ANKRD28: variants seen among roughly 807,000 people sequenced by gnomAD.
ANKRD28 encodes the protein ankyrin repeat domain 28.
Under a neutral mutation model 126.5 loss-of-function variants are expected in ANKRD28, and 44 were observed. That is an observed-to-expected ratio of 0.35 (90% CI 0.27 to 0.45). The LOEUF (loss-of-function observed/expected upper bound fraction) is 0.45, where lower values mean the gene tolerates loss of function less well. Ranked by LOEUF, ANKRD28 falls within the 20% of genes least tolerant of loss-of-function variation. ANKRD28 has a pLI of 1.00. For synonymous variants in ANKRD28, 442 were observed against 468.5 expected, an observed-to-expected ratio of 0.94 and a Z score of 0.73; for missense variants, 1,110 against 1,316.6, an observed-to-expected ratio of 0.84 and a Z score of 2.43.
At chr3:15,813,710 C>T (rs1403479742) in intron 1 of ANKRD28, among the ~76,000 whole-genome samples, 1 of 152,144 alleles carries the variant, frequency 6.6e-6, no homozygotes, top group Non-Finnish European at 1.5e-5. Context: ...TCCAACACAC[C>T]TGGAGGTTGT....
At position 15,854,362 on chromosome 3, in the gene ANKRD28, A is replaced by G. The variant is rs1332263865; in HGVS notation, c.27+5015T>C. Among the ~76,000 whole-genome samples the G allele has an allele frequency of 6.6e-6, 1 of 152,158 alleles. No homozygotes were observed. The highest frequency in any genetic ancestry group is 1.5e-5 in the Non-Finnish European group (1 of 68,028). On this transcript the variant is annotated intron_variant, in intron 1 of 27. Coordinates refer to the ANKRD28 transcript ENST00000399451. This position sits in a 1 kb window ranked among gnomAD's most constrained non-coding sequence, Gnocchi z 4.1. The stretch of plus-strand genomic sequence containing the variant: ...TTCACAGTTCCCTCTTGTTGCTTTC[A>G]TTGACAACTGCTTGCTTTCAACATC...
At chr3:15,803,074 T>C (rs2060496885) in intron 1 of ANKRD28, among the ~76,000 whole-genome samples, 1 of 152,184 alleles carries the variant, frequency 6.6e-6, no homozygotes, top group South Asian at 2.1e-4. Flanking sequence ...GGTATGGTCA[T>C]GTGATAGAGA....
intron 11 of ANKRD28, 74 bp from the exon 12 acceptor site, chr3:15,711,348 A>G: frequency 7.8e-7 from 1 of 1,289,552 alleles, no homozygotes; most frequent in Admixed American, 1.8e-5. Context: ...TGAAACATCA[A>G]GAATCACATC....
In ANKRD28 at chr3:15,806,738, T is replaced by C. The variant is rs181129714; in HGVS notation, c.28-11432A>G. ...CGTTTTACCATTTTGGCCAGGCTGC[T>C]CTTGAACTCCTGACCTCAGGTGATT... On this transcript the variant is annotated intron_variant, in intron 1 of 27. Transcript: ENST00000399451. Among the ~76,000 whole-genome samples the C allele has an allele frequency of 1.1e-4, 16 of 152,280 alleles. 1 individual carries two copies. The highest frequency in any genetic ancestry group is 9.8e-4 in the Admixed American group (15 of 15,302).
chr3:15,859,279 C>A, intron 1 of ANKRD28: 1 of 1,478,206 alleles, frequency 6.8e-7, no homozygotes, highest in Non-Finnish European at 9.0e-7. Flanking sequence ...CTCGCAACCA[C>A]CCCGCCGAGC....
At chr3:15,703,915 A>T (rs116645353) in intron 14 of ANKRD28, among the ~76,000 whole-genome samples, 1 of 152,162 alleles carries the variant, frequency 6.6e-6, no homozygotes, top group East Asian at 1.9e-4. Flanking sequence ...ACATAAAATA[A>T]TCTACATACA....
At position 15,818,838 on chromosome 3, in the gene ANKRD28, G is replaced by T. The variant is rs1670570847; in HGVS notation, c.28-23532C>A. 3.3e-5 allele frequency among the ~76,000 whole-genome samples: 5 copies of T among 152,212 alleles called. No individual in the cohort carries two copies. In the South Asian group the frequency reaches 8.3e-4, roughly 25 times the overall value. On this transcript the variant is annotated intron_variant, in intron 1 of 27. Coordinates refer to the ANKRD28 transcript ENST00000399451. ...CAATTTTTCCTCATTTAATTTATAG[G>T]TGAAAAGTAATCACAGTCAAAATCT...
chr3:15,678,908 TGGGTTTTCTG>T, intron 23 of ANKRD28, among the ~76,000 whole-genome samples: 1 of 152,222 alleles, frequency 6.6e-6, no homozygotes, highest in East Asian at 1.9e-4. Context: ...CTTTTAATAA[TGGGTTTTCTG>T]TAAATTCTCT....
At chr3:15,683,258 A>T (rs1020535878) in intron 21 of ANKRD28, among the ~76,000 whole-genome samples, 2 of 152,226 alleles carry the variant, frequency 1.3e-5, no homozygotes, top group African/African-American at 4.8e-5. Flanking sequence ...ACTTTTTTAC[A>T]GAAACACAAC....
At chr3:15,745,468 G>T (rs1231418525) in intron 4 of ANKRD28, among the ~76,000 whole-genome samples, 2 of 152,090 alleles carry the variant, frequency 1.3e-5, no homozygotes, top group Non-Finnish European at 2.9e-5. Flanking sequence ...TGTTGAACAG[G>T]GTGTCCTTTC....
Position 15,814,308 on chromosome 3 carries a change from G to A in ANKRD28, c.28-19002C>T. On this transcript the variant is annotated intron_variant, in intron 1 of 27. Transcript: ENST00000399451. This position sits in a 1 kb window ranked among gnomAD's most constrained non-coding sequence, Gnocchi z 4.7. ...TGTACTGTTTCAATTCCAATCACAG[G>A]CCTGTAGCAGAAAACAGATATCAAA... 1 of 1,273,884 alleles carries A rather than the reference G, an allele frequency of 7.9e-7. No individual in the cohort carries two copies. Among genetic ancestry groups the A allele is most frequent in the Non-Finnish European group, 1.0e-6 (1 of 982,660 alleles). The allele number at this position is 1,273,884 out of a possible 1,614,324, so 78.9% of individuals were successfully genotyped here.
chr3:15,780,147 A>G (rs2059477077), intron 2 of ANKRD28, among the ~76,000 whole-genome samples: 1 of 152,210 alleles, frequency 6.6e-6, no homozygotes, highest in Non-Finnish European at 1.5e-5. Flanking sequence ...ATTTGCAGAC[A>G]TGATCTTACA....
Position 15,701,401 on chromosome 3 carries a change from T to C in ANKRD28, c.1548-5156A>G, listed in dbSNP as rs150246800. Among the ~76,000 whole-genome samples the C allele has an allele frequency of 3.3e-5, 5 of 152,250 alleles. No individual in the cohort carries two copies. The East Asian group carries it at 5.8e-4, about 18-fold the overall frequency. On this transcript the variant is annotated intron_variant, in intron 14 of 27. Coordinates refer to ENST00000683139, the MANE Select transcript of ANKRD28 (RefSeq NM_001349278.2). Reference sequence around the variant, plus strand: ...GGCTCATGCCTGTAATCCCAGCACTTTGGGAAGCGGAGGTGGGCGGAACAC... The same window carrying C: ...GGCTCATGCCTGTAATCCCAGCACTCTGGGAAGCGGAGGTGGGCGGAACAC...
intron 1 of ANKRD28, among the ~76,000 whole-genome samples, chr3:15,807,165 G>A (rs770661064): frequency 5.3e-5 from 8 of 152,134 alleles, no homozygotes; most frequent in Non-Finnish European, 1.0e-4. Flanking sequence ...ATATTGTCAT[G>A]CAGTAGAAGT....
Position 15,667,412 on chromosome 3 carries a change from C to A in ANKRD28, c.*2858G>T, listed in dbSNP as rs2066035788. On this transcript the variant is annotated 3_prime_UTR_variant, in exon 28 of 28. Transcript: ENST00000683139. ...CATTTCACCCAAAGTAGTTCTAGAGCAGAAGCTGGTATTATAATACACATC... is the reference window on the plus strand; with the variant it reads ...CATTTCACCCAAAGTAGTTCTAGAGAAGAAGCTGGTATTATAATACACATC... 6.6e-6 allele frequency: 1 copy of A among 152,164 alleles called. No individual in the cohort carries two copies. Among genetic ancestry groups the A allele is most frequent in the Non-Finnish European group, 1.5e-5 (1 of 68,030 alleles). The allele number at this position is 152,164 out of a possible 1,614,324, so 9.4% of individuals were successfully genotyped here. A position where few individuals can be genotyped will look rare whatever the true frequency, so the allele number is the denominator to read the frequency against.
At chr3:15,859,439 C>G (rs1388130242) in exon 1 of ANKRD28, 1 of 1,508,110 alleles carries the variant, frequency 6.6e-7, no homozygotes, top group South Asian at 1.2e-5. Flanking sequence ...GCCTCCTCCT[C>G]CTCCGCCGCT....
chr3:15,748,895 A>AT (rs976785899), intron 4 of ANKRD28, among the ~76,000 whole-genome samples: 6 of 151,678 alleles, frequency 4.0e-5, no homozygotes, highest in African/African-American at 1.2e-4. Flanking sequence ...TTAAAAAAAA[A>AT]TTTTTTTTCT....
upstream of ANKRD28, among the ~76,000 whole-genome samples, chr3:15,800,214 C>A (rs1226543385): frequency 6.6e-6 from 1 of 151,970 alleles, no homozygotes; most frequent in African/African-American, 2.4e-5. Context: ...AAAAAAATAA[C>A]CTGCAAAGAT....
chr3:15,766,194 A>G, intron 3 of ANKRD28, 40 bp downstream of exon 3: 1 of 1,469,748 alleles, frequency 6.8e-7, no homozygotes, highest in Non-Finnish European at 9.4e-7. Context: ...AATAACAAAA[A>G]TATACATAAT....
Sources: allele counts gnomAD v4.1 joint callset (sites outside exome capture counted in the v4.1 genomes callset), GRCh38; gene constraint gnomAD v4.1.1; non-coding constraint Gnocchi (gnomAD v3.1); transcripts MANE v1.5; gene names NCBI Gene and HGNC (gene_info 2026-07-23, HGNC 2026-07-21).